Variants in MYO16 observed in about 807,000 individuals in gnomAD.
MYO16 encodes unconventional myosin-XVI.
MYO16 carries 94 observed loss-of-function variants against 205.3 expected under a neutral mutation model. The observed-to-expected ratio is 0.46, with a 90% CI of 0.39 to 0.54. The LOEUF (loss-of-function observed/expected upper bound fraction) is 0.54. Among genes scored for constraint, MYO16 ranks in the 20% least tolerant of loss-of-function variants. MYO16 has a pLI of 0.00. For synonymous variants in MYO16, 988 were observed against 954.0 expected (o/e 1.04, Z -0.66); for missense variants, 2,315 against 2,387.5 (o/e 0.97, Z 0.63).
At chr13:108,685,099 T>A (rs140853197) in intron 2 of MYO16, among the ~76,000 whole-genome samples, 1,941 of 151,116 alleles carry the variant, frequency 0.013, 51 homozygotes, top group African/African-American at 0.044. Context: ...CTCGGCTCAC[T>A]GCAACCTCCA....
At chr13:108,548,931 G>A in the MYO16 span, among the ~76,000 whole-genome samples, 2 of 152,046 alleles carry the variant, frequency 1.3e-5, no homozygotes, top group Admixed American at 1.3e-4. Flanking sequence ...ATTTTGGGGA[G>A]GATGGATAGA....
intron 2 of MYO16, among the ~76,000 whole-genome samples, chr13:108,708,829 C>G (rs1883614142): frequency 6.6e-6 from 1 of 152,098 alleles, no homozygotes; most frequent in African/African-American, 2.4e-5. Context: ...ATGCTGACAA[C>G]CAGGTGGACT....
chr13:108,921,855 G>T (rs1306490620), intron 16 of MYO16, among the ~76,000 whole-genome samples: 1 of 152,234 alleles, frequency 6.6e-6, no homozygotes, highest in South Asian at 2.1e-4. Flanking sequence ...TTGCTCATCT[G>T]TAGGCCAGGA....
At chr13:109,128,077 T>C (rs1876352612) in intron 31 of MYO16, among the ~76,000 whole-genome samples, 1 of 152,238 alleles carries the variant, frequency 6.6e-6, no homozygotes, top group Non-Finnish European at 1.5e-5. Context: ...AGCAGTTTCT[T>C]CTCAGCCAGA....
Position 109,206,684 on chromosome 13 carries a change from T to C in MYO16, c.5491T>C (p.Cys1831Arg). The C allele has an allele frequency of 6.2e-7, 1 of 1,614,180 alleles. No individual in the cohort carries two copies. The highest frequency in any genetic ancestry group is 1.7e-5 in the Admixed American group (1 of 60,026). Reference sequence around the variant, plus strand: ...ACTCTTGGACTGGAGGAGAAAGCTCTGTGAGGAAGGACAAGACTGGCAGCA... The same window carrying C: ...ACTCTTGGACTGGAGGAGAAAGCTCCGTGAGGAAGGACAAGACTGGCAGCA... The part of the protein sequence containing the change: ...QELLDWRRKL[C>R]EEGQDWQQIL... The change falls in exon 35 of 35, where the codon TGT (cysteine) becomes CGT (arginine). Residue 1831 changes from cysteine to arginine, a missense_variant. Physicochemically the swap from Cys to Arg is radical, Grantham distance 180. Around this residue, in one of 3 missense-constraint regions of MYO16, gnomAD observed 1,097 missense variants for 1,092.0 expected, o/e 1.00. Coordinates refer to ENST00000457511, the MANE Select transcript of MYO16 (RefSeq NM_001198950.3).
At chr13:108,520,908 C>A in the MYO16 span, among the ~76,000 whole-genome samples, 1 of 152,084 alleles carries the variant, frequency 6.6e-6, no homozygotes, top group Non-Finnish European at 1.5e-5. Flanking sequence ...GGCTAAGGGG[C>A]CTCAAATGAG....
At chr13:108,999,869 C>A (rs1336342128) in intron 21 of MYO16, among the ~76,000 whole-genome samples, 3 of 151,904 alleles carry the variant, frequency 2.0e-5, no homozygotes, top group African/African-American at 7.3e-5. Context: ...ACTTGATGCC[C>A]CTTTTGTTTG....
chr13:108,967,572 C>T (rs1048426732), intron 20 of MYO16, among the ~76,000 whole-genome samples: 16 of 152,100 alleles, frequency 1.1e-4, no homozygotes, highest in African/African-American at 2.7e-4. Flanking sequence ...CCGGACCCTG[C>T]GGGCTGGGGA....
intron 34 of MYO16, among the ~76,000 whole-genome samples, chr13:109,189,348 C>G (rs1879817597): frequency 6.6e-6 from 1 of 152,160 alleles, no homozygotes; most frequent in African/African-American, 2.4e-5. Context: ...TCAATCCAAC[C>G]AAGTTGACAC....
chr13:108,740,666 A>G (rs988438714), intron 4 of MYO16, among the ~76,000 whole-genome samples: 8 of 152,202 alleles, frequency 5.3e-5, no homozygotes, highest in Non-Finnish European at 7.3e-5. Context: ...CAAAGCTGTC[A>G]GACAGGGACA....
intron 12 of MYO16, among the ~76,000 whole-genome samples, chr13:108,877,768 C>T (rs959213192): frequency 1.3e-5 from 2 of 152,146 alleles, no homozygotes; most frequent in Non-Finnish European, 2.9e-5. Context: ...ACAGCTTATA[C>T]ACTTCTCTGT....
intron 15 of MYO16, among the ~76,000 whole-genome samples, chr13:108,900,706 G>A (rs936489191): frequency 1.3e-5 from 2 of 152,164 alleles, no homozygotes; most frequent in Non-Finnish European, 2.9e-5. Context: ...TGATGGTTGC[G>A]TTAACTGTAC....
At position 109,022,606 on chromosome 13, in the gene MYO16, G is replaced by A. The variant is rs1159950309; in HGVS notation, c.2796+2695G>A. 5.1e-4 allele frequency among the ~76,000 whole-genome samples: 61 copies of A among 120,740 alleles called. 6 individuals carry two copies. Among genetic ancestry groups the A allele is most frequent in the African/African-American group, 1.8e-3 (55 of 30,326 alleles). 79.2% of individuals were successfully genotyped at this position (120,740 alleles called of 152,430 possible). A position where few individuals can be genotyped will look rare whatever the true frequency, so the allele number is the denominator to read the frequency against. On this transcript the variant is annotated intron_variant, in intron 23 of 34. Transcript: ENST00000457511. ...GTATATATTTCTATATTCTATATAC[G>A]CATATAAACATATGTATATATATTA...
intron 4 of MYO16, among the ~76,000 whole-genome samples, chr13:108,739,173 TC>T (rs1884813702): frequency 6.6e-6 from 1 of 152,194 alleles, no homozygotes. Context: ...TTTGATCCTG[TC>T]ATTATGATGT....
Position 108,652,468 on chromosome 13 carries a change from G to A in MYO16, c.29-13418G>A, listed in dbSNP as rs146438580. 8.1e-4 allele frequency among the ~76,000 whole-genome samples: 123 copies of A among 152,230 alleles called. 2 individuals are homozygous for A. The highest frequency in any genetic ancestry group is 1.2e-3 in the Non-Finnish European group (82 of 68,014). On this transcript the variant is annotated intron_variant, in intron 1 of 34. Transcript: ENST00000457511. ...CAACCATTTTTAAGTGTACAGTTCA[G>A]GAATGTTAAGTATATTCTCATTGTT... is the stretch of plus-strand genomic sequence containing the variant.
intron 7 of MYO16, among the ~76,000 whole-genome samples, chr13:108,818,726 T>C (rs547227292): frequency 3.3e-5 from 5 of 152,098 alleles, no homozygotes; most frequent in Admixed American, 2.6e-4. Context: ...AAAAAGAGAA[T>C]AAAAGGAAAA....
At chr13:109,069,674 A>G (rs968050703) in intron 27 of MYO16, among the ~76,000 whole-genome samples, 1 of 151,928 alleles carries the variant, frequency 6.6e-6, no homozygotes, top group Non-Finnish European at 1.5e-5. Flanking sequence ...AGGTCGGGGG[A>G]GTGCTAGCTT....
At position 108,898,151 on chromosome 13, in the gene MYO16, C is replaced by A; in HGVS notation, c.1777+18C>A. ...AACCGGAGGTAAGTGCAGTATTTGA[C>A]AACGTGGATTTCCTGTGCCGAGCCA... is the stretch of plus-strand genomic sequence containing the variant. On this transcript the variant is annotated intron_variant, in intron 15 of 34. Transcript: ENST00000457511. The A allele has an allele frequency of 6.3e-7, 1 of 1,576,980 alleles. No individual in the cohort carries two copies. Among genetic ancestry groups the A allele is most frequent in the Non-Finnish European group, 8.7e-7 (1 of 1,146,358 alleles).
intron 9 of MYO16, among the ~76,000 whole-genome samples, chr13:108,832,724 C>T (rs1169756719): frequency 1.3e-5 from 2 of 152,062 alleles, no homozygotes; most frequent in Non-Finnish European, 2.9e-5. Context: ...AATAATAAAT[C>T]ATATTTGTAT....
Sources: gnomAD v4.1 joint callset for allele counts (sites outside exome capture counted in the v4.1 genomes callset) on GRCh38, gnomAD v4.1.1 for gene constraint, gnomAD v4.1.1 regional missense constraint, MANE v1.5 for transcripts, NCBI Gene and HGNC (gene_info 2026-07-23, HGNC 2026-07-21) for gene names.